Variants in TRIM34 observed in about 807,000 individuals in gnomAD.
TRIM34 encodes tripartite motif containing 34.
In TRIM34, 41 loss-of-function variants were observed where a neutral mutation model predicts 38.1. The ratio of observed to expected loss-of-function variants is 1.08; its 90% CI spans 0.84 to 1.40. The LOEUF is 1.40. TRIM34 is among the 40% of genes most tolerant of loss of function. The pLI, the probability that TRIM34 is intolerant of heterozygous loss-of-function variation, is 0.00. For missense variants in TRIM34, 556 were observed against 571.4 expected (o/e 0.97, Z 0.27); for synonymous variants, 200 against 202.5 (o/e 0.99, Z 0.10).
At chr11:5,623,889 T>G (rs1252878199), upstream of TRIM34, among the ~76,000 whole-genome samples, 1 of 152,192 alleles carries the variant, frequency 6.6e-6, no homozygotes, top group Non-Finnish European at 1.5e-5. Context: ...AATTGTACCT[T>G]GTCAGGTGGT....
chr11:5,622,783 AAG>A (rs1225551876), upstream of TRIM34, among the ~76,000 whole-genome samples: 2 of 152,218 alleles, frequency 1.3e-5, no homozygotes, highest in Non-Finnish European at 2.9e-5. Context: ...TTGTAAATGA[AAG>A]AGTATCTGAG....
intron 1 of TRIM34, among the ~76,000 whole-genome samples, chr11:5,628,670 A>C (rs1009723397): frequency 6.6e-6 from 1 of 152,200 alleles, no homozygotes; most frequent in African/African-American, 2.4e-5. Flanking sequence ...TTCTTTCACT[A>C]TCAAACCTGT....
chr11:5,642,268 T>C (rs1850043971), intron 5 of TRIM34, 138 bp from the exon 6 acceptor site: 1 of 654,956 alleles, frequency 1.5e-6, no homozygotes, highest in Admixed American at 2.8e-5. Context: ...AGGGTCCGGC[T>C]CTCCCTTCTC....
chr11:5,625,687 G>A (rs1273771246), intron 1 of TRIM34, among the ~76,000 whole-genome samples: 1 of 146,226 alleles, frequency 6.8e-6, no homozygotes, highest in Non-Finnish European at 1.5e-5. Context: ...ACACCGCTCT[G>A]TTCCCTCTGT....
intron 1 of TRIM34, among the ~76,000 whole-genome samples, chr11:5,625,845 GC>G (rs372434523): frequency 9.5e-4 from 145 of 152,278 alleles, no homozygotes; most frequent in African/African-American, 2.8e-3. Flanking sequence ...ACACACCTTG[GC>G]ATTGATTTGT....
At chr11:5,636,958 AAC>A (rs1849763907) in intron 4 of TRIM34, among the ~76,000 whole-genome samples, 1 of 152,182 alleles carries the variant, frequency 6.6e-6, no homozygotes, top group Admixed American at 6.5e-5. Context: ...CATCCTGGCT[AAC>A]ACAGTGAAAC....
chr11:5,640,721 G>C (rs1463225203), intron 4 of TRIM34, among the ~76,000 whole-genome samples: 1 of 152,036 alleles, frequency 6.6e-6, no homozygotes, highest in Non-Finnish European at 1.5e-5. Context: ...ATGAAGTTTT[G>C]ATATTATTTC....
intron 1 of TRIM34, among the ~76,000 whole-genome samples, chr11:5,625,290 G>C (rs578002218): frequency 2.6e-4 from 40 of 152,256 alleles, no homozygotes; most frequent in Admixed American, 1.6e-3. Context: ...TTGTTTTCTG[G>C]GGTGTCTTTT....
Position 5,643,458 on chromosome 11 carries a change from TG to T in TRIM34, c.1217del (p.Cys406LeufsTer17). 6.2e-7 allele frequency: 1 copy of T among 1,614,192 alleles called. No individual in the cohort carries two copies. Among genetic ancestry groups the T allele is most frequent in the South Asian group, 1.1e-5 (1 of 91,086 alleles). ...GYWVIGLQNKCKYGVFEESLS... is the reference protein window; with the variant it reads ...GYWVIGLQNKXKYGVFEESLS... ...CTGGGTTATAGGGTTACAGAATAAA[TG>T]TAAGTATGGTGTCTTTGAAGAGTCT... On this transcript the variant is annotated frameshift_variant, in exon 8 of 8. Coordinates refer to ENST00000429814, the MANE Select transcript of TRIM34 (RefSeq NM_021616.6). LOFTEE classifies it low-confidence loss of function (END_TRUNC).
chr11:5,632,240 T>A lies in TRIM34; in HGVS notation c.-77-15T>A, dbSNP rs764754255. On this transcript the variant is annotated splice_polypyrimidine_tract_variant and intron_variant, in intron 1 of 7. Transcript: ENST00000429814. The stretch of plus-strand genomic sequence containing the variant: ...TTTGTACCATTCTTATACCATCCCC[T>A]TTCAATCTTCTCAGCCATCCAGGGG... 1.9e-6 allele frequency: 3 copies of A among 1,583,088 alleles called. No homozygotes were observed. The highest frequency in any genetic ancestry group is 2.6e-6 in the Non-Finnish European group (3 of 1,168,182).
chr11:5,637,978 A>G (rs1217282999), intron 4 of TRIM34, among the ~76,000 whole-genome samples: 1 of 152,236 alleles, frequency 6.6e-6, no homozygotes, highest in Non-Finnish European at 1.5e-5. Flanking sequence ...TACTCTTGCA[A>G]GAAAGACTAG....
chr11:5,624,392 A>G (rs544710809), upstream of TRIM34, among the ~76,000 whole-genome samples: 40 of 152,312 alleles, frequency 2.6e-4, no homozygotes, highest in Non-Finnish European at 4.6e-4. Context: ...AACTTTTCTC[A>G]GCACCATCCA....
chr11:5,641,618 G>A (rs1850015892), intron 5 of TRIM34, among the ~76,000 whole-genome samples: 1 of 152,078 alleles, frequency 6.6e-6, no homozygotes, highest in African/African-American at 2.4e-5. Flanking sequence ...GAAATAGAAG[G>A]TACCGGATCA....
rs186773277 is a variant in TRIM34, at chr11:5,633,815, G to A, written c.435G>A (p.Gln145=). 11 of 1,613,898 alleles carry A rather than the reference G, an allele frequency of 6.8e-6. No homozygotes were observed. In the Admixed American group the frequency reaches 1.7e-4, roughly 24 times the overall value. Residue 145 remains glutamine, a synonymous_variant, in exon 3 of 8, where the codon CAG becomes CAA. Transcript: ENST00000429814. ...TTCCCTTCTCATAGGAGAAACTCCAGGCAGTCCTCAAGAGGCTGAAGAAGG... is the reference window on the plus strand; with the variant it reads ...TTCCCTTCTCATAGGAGAAACTCCAAGCAGTCCTCAAGAGGCTGAAGAAGG... ...EVFKECQEKL[Q]AVLKRLKKEE...
In TRIM34 at chr11:5,632,469, A is replaced by T; in HGVS notation, c.138A>T (p.Ala46=). 6.2e-7 allele frequency: 1 copy of T among 1,614,106 alleles called. No homozygotes were observed. Among genetic ancestry groups the T allele is most frequent in the Non-Finnish European group, 8.5e-7 (1 of 1,180,024 alleles). ...RACITVSNKE[A]VTSMGGKSSC... ...GCATCACTGTGAGCAACAAGGAGGCAGTGACCAGCATGGGAGGAAAAAGCA... is the reference window on the plus strand; with the variant it reads ...GCATCACTGTGAGCAACAAGGAGGCTGTGACCAGCATGGGAGGAAAAAGCA... Residue 46 remains alanine (A), a synonymous_variant, in exon 2 of 8, where the codon GCA becomes GCT. Coordinates refer to ENST00000429814, the MANE Select transcript of TRIM34 (RefSeq NM_021616.6).
chr11:5,624,666 C>T (rs1183751632), upstream of TRIM34, among the ~76,000 whole-genome samples: 2 of 152,168 alleles, frequency 1.3e-5, no homozygotes, highest in South Asian at 2.1e-4. Context: ...CTGTCCCATA[C>T]ATTGTAGAAT....
rs62638662 is a variant in TRIM34, at chr11:5,642,439, G to A, written c.807G>A (p.Met269Ile). 6.2e-7 allele frequency: 1 copy of A among 1,613,592 alleles called. No homozygotes were observed. The highest frequency in any genetic ancestry group is 8.5e-7 in the Non-Finnish European group (1 of 1,179,986). The change falls in exon 6 of 8, where the codon ATG (methionine) becomes ATA (isoleucine). Residue 269 changes from methionine to isoleucine, a missense_variant. Physicochemically the swap from Met to Ile is conservative, Grantham distance 10. Transcript: ENST00000429814. ...SEIWRLKKPK[M>I]VSKKLKTVFH... is the part of the protein sequence containing the mutation. ...TCTGGAGGCTGAAAAAGCCAAAAAT[G>A]GTTTCCAAGAAACTGAAGACTGTAT...
At chr11:5,630,720 G>C (rs985146511) in intron 1 of TRIM34, among the ~76,000 whole-genome samples, 1 of 151,914 alleles carries the variant, frequency 6.6e-6, no homozygotes, top group Non-Finnish European at 1.5e-5. Flanking sequence ...CACATTATTT[G>C]GTCTTCTAAA....
At chr11:5,641,476 A>G (rs1850010166) in intron 5 of TRIM34, among the ~76,000 whole-genome samples, 1 of 152,112 alleles carries the variant, frequency 6.6e-6, no homozygotes, top group Non-Finnish European at 1.5e-5. Flanking sequence ...TCACTCATTT[A>G]ATTCATCCTC....
Sources: allele counts gnomAD v4.1 joint callset (sites outside exome capture counted in the v4.1 genomes callset), GRCh38; gene constraint gnomAD v4.1.1; transcripts MANE v1.5; gene names NCBI Gene and HGNC (gene_info 2026-07-23, HGNC 2026-07-21).